The following ARHGAP26 variants were observed in gnomAD, a reference collection of about 807,000 sequenced individuals.
ARHGAP26 encodes the protein rho GTPase-activating protein 26.
ARHGAP26 carries 38 observed loss-of-function variants against 104.8 expected under a neutral mutation model. That is an observed-to-expected ratio of 0.36 (90% CI 0.28 to 0.48). The LOEUF is 0.48. ARHGAP26 is among the 20% of genes least tolerant of loss of function. The pLI is 0.99. For missense variants in ARHGAP26, 704 were observed against 947.9 expected (o/e 0.74, Z 3.38); for synonymous variants, 341 against 340.0 (o/e 1.00, Z -0.03).
At chr5:143,029,616 C>T (rs1190476594) in intron 12 of ARHGAP26, among the ~76,000 whole-genome samples, 1 of 151,656 alleles carries the variant, frequency 6.6e-6, no homozygotes, top group East Asian at 1.9e-4. Flanking sequence ...ACCATGTTGC[C>T]CAGGTTGGTC....
chr5:142,786,857 G>A (rs1257210498), intron 1 of ARHGAP26, among the ~76,000 whole-genome samples: 2 of 151,960 alleles, frequency 1.3e-5, no homozygotes, highest in African/African-American at 4.8e-5. Flanking sequence ...ATGTTGGCCA[G>A]GCTGGTCTTG....
At chr5:143,012,753 A>G (rs1779074056) in intron 11 of ARHGAP26, among the ~76,000 whole-genome samples, 1 of 149,446 alleles carries the variant, frequency 6.7e-6, no homozygotes, top group Non-Finnish European at 1.5e-5. Context: ...TCCTGGGTTC[A>G]TGCCATTCTC....
chr5:142,779,290 C>T (rs1757005615), intron 1 of ARHGAP26, among the ~76,000 whole-genome samples: 1 of 152,106 alleles, frequency 6.6e-6, no homozygotes, highest in Non-Finnish European at 1.5e-5. Context: ...CAGTGTGGGC[C>T]ACGAGCTGTC....
At chr5:142,939,385 A>G (rs942672654) in intron 11 of ARHGAP26, among the ~76,000 whole-genome samples, 1 of 152,220 alleles carries the variant, frequency 6.6e-6, no homozygotes, top group Admixed American at 6.5e-5. Context: ...CTAGTAAAAG[A>G]CAATGTTACT....
chr5:142,982,680 G>T (rs149521420), intron 11 of ARHGAP26, among the ~76,000 whole-genome samples: 1 of 152,298 alleles, frequency 6.6e-6, no homozygotes, highest in African/African-American at 2.4e-5. Flanking sequence ...CTTTCTTCTT[G>T]AGAGGTTTTG....
intron 1 of ARHGAP26, among the ~76,000 whole-genome samples, chr5:142,855,278 T>C (rs1054390171): frequency 1.3e-5 from 2 of 152,164 alleles, no homozygotes; most frequent in Admixed American, 6.5e-5. Flanking sequence ...AAGCTGTTTT[T>C]CTACTAAATG....
chr5:142,997,918 G>C (rs1776638052), intron 11 of ARHGAP26, among the ~76,000 whole-genome samples: 1 of 152,218 alleles, frequency 6.6e-6, no homozygotes, highest in Non-Finnish European at 1.5e-5. Context: ...TTATAATGCA[G>C]ATGGATATGA....
intron 20 of ARHGAP26, among the ~76,000 whole-genome samples, chr5:143,193,099 G>C (rs1337175294): frequency 6.6e-6 from 1 of 152,044 alleles, no homozygotes; most frequent in Non-Finnish European, 1.5e-5. Context: ...ATGAAGTCTT[G>C]CTCCCCACAT....
chr5:142,890,151 A>AAAATAT (rs1252590997), intron 5 of ARHGAP26, among the ~76,000 whole-genome samples: 13 of 32,414 alleles, frequency 4.0e-4, no homozygotes, highest in Non-Finnish European at 4.9e-4. Flanking sequence ...AAAAAAAAAA[A>AAAATAT]ATATATATAT....
intron 17 of ARHGAP26, among the ~76,000 whole-genome samples, chr5:143,063,444 C>T (rs930034584): frequency 6.6e-6 from 1 of 152,226 alleles, no homozygotes; most frequent in African/African-American, 2.4e-5. Context: ...CTTAAAAAAA[C>T]TTCAAAGGCA....
chr5:142,975,991 G>GT (rs1397233220), intron 11 of ARHGAP26, among the ~76,000 whole-genome samples: 2 of 152,198 alleles, frequency 1.3e-5, no homozygotes, highest in Admixed American at 6.5e-5. Flanking sequence ...GTGGAACTTA[G>GT]TGACAGGCAG....
chr5:142,845,789 C>G (rs1399739215), intron 1 of ARHGAP26, among the ~76,000 whole-genome samples: 1 of 152,162 alleles, frequency 6.6e-6, no homozygotes, highest in African/African-American at 2.4e-5. Context: ...ACTGACCCCT[C>G]ACATCTCTCT....
intron 11 of ARHGAP26, among the ~76,000 whole-genome samples, chr5:142,968,958 G>A (rs998774755): frequency 1.1e-4 from 16 of 152,182 alleles, no homozygotes; most frequent in African/African-American, 3.9e-4. Context: ...TTCAGACAGG[G>A]TCTTACTATG....
At position 143,204,132 on chromosome 5, in the gene ARHGAP26, T is replaced by C. The variant is rs190681687; in HGVS notation, c.1989-3066T>C. Among the ~76,000 whole-genome samples, 513 of 151,842 alleles carry C rather than the reference T, an allele frequency of 3.4e-3. 2 individuals are homozygous for C. Among genetic ancestry groups the C allele is most frequent in the African/African-American group, 0.012 (500 of 41,396 alleles). Reference sequence around the variant, plus strand: ...TTTTATTATTATACCAATTCAAACATAGTGGTAATAAATGTTAAAATGCAG... The same window carrying C: ...TTTTATTATTATACCAATTCAAACACAGTGGTAATAAATGTTAAAATGCAG... On this transcript the variant is annotated intron_variant, in intron 20 of 22. Coordinates refer to ENST00000645722, the MANE Select transcript of ARHGAP26 (RefSeq NM_001135608.3).
intron 13 of ARHGAP26, among the ~76,000 whole-genome samples, chr5:143,039,520 G>C (rs949675281): frequency 2.3e-5 from 3 of 132,844 alleles, no homozygotes; most frequent in Non-Finnish European, 5.3e-5. Context: ...CTTTCAACAG[G>C]AGTTTTAATT....
At chr5:143,053,878 T>A (rs1231073403) in intron 14 of ARHGAP26, among the ~76,000 whole-genome samples, 1 of 152,266 alleles carries the variant, frequency 6.6e-6, no homozygotes, top group Non-Finnish European at 1.5e-5. Flanking sequence ...TATTTGACAT[T>A]ATATAATGCA....
chr5:142,854,958 T>C (rs1286016079), intron 1 of ARHGAP26, among the ~76,000 whole-genome samples: 1 of 152,196 alleles, frequency 6.6e-6, no homozygotes, highest in Non-Finnish European at 1.5e-5. Flanking sequence ...TTTGTTCTCC[T>C]TCAGCTTGTG....
At position 143,012,356 on chromosome 5, in the gene ARHGAP26, C is replaced by G. The variant is rs1035503817; in HGVS notation, c.1108-1724C>G. On this transcript the variant is annotated intron_variant, in intron 11 of 22. Transcript: ENST00000645722. The stretch of plus-strand genomic sequence containing the variant: ...AGAGAGGCTAAGAGACCCAGTGACA[C>G]AAAGCAGCTGAAGGGCCAAGTGGGA... Among the ~76,000 whole-genome samples, 5 of 150,568 alleles carry G rather than the reference C, an allele frequency of 3.3e-5. No individual in the cohort carries two copies. In the South Asian group the frequency reaches 8.4e-4, roughly 25 times the overall value.
intron 12 of ARHGAP26, among the ~76,000 whole-genome samples, chr5:143,028,001 C>G (rs772636400): frequency 1.3e-5 from 2 of 152,144 alleles, no homozygotes; most frequent in Non-Finnish European, 2.9e-5. Context: ...CCACAGCCCC[C>G]AGTTCCTTTC....
Sources: allele counts gnomAD v4.1 joint callset (sites outside exome capture counted in the v4.1 genomes callset), GRCh38; gene constraint gnomAD v4.1.1; transcripts MANE v1.5; gene names NCBI Gene and HGNC (gene_info 2026-07-23, HGNC 2026-07-21).